PHKB: variants seen among roughly 807,000 people sequenced by gnomAD.
PHKB encodes phosphorylase kinase regulatory subunit beta.
A neutral mutation model predicts 152.1 loss-of-function variants in PHKB; 122 were observed. That is an observed-to-expected ratio of 0.80 (90% CI 0.69 to 0.93). The LOEUF (loss-of-function observed/expected upper bound fraction) is 0.93, where lower values mean the gene tolerates loss of function less well. Among genes scored for constraint, PHKB ranks in the 40% least tolerant of loss-of-function variants. PHKB has a pLI of 0.00. For synonymous variants in PHKB, 436 were observed against 464.9 expected (o/e 0.94, Z 0.80); for missense variants, 1,304 against 1,328.4 (o/e 0.98, Z 0.29).
At chr16:47,508,663 G>A in intron 4 of PHKB, among the ~76,000 whole-genome samples, 1 of 152,036 alleles carries the variant, frequency 6.6e-6, no homozygotes, top group East Asian at 1.9e-4. Flanking sequence ...AGCAAAATAC[G>A]AGTGGAAGAG....
chr16:47,660,467 G>A (rs757644385), intron 20 of PHKB, 39 bp from the exon 21 acceptor site: 3 of 1,524,720 alleles, frequency 2.0e-6, no homozygotes, highest in Non-Finnish European at 2.7e-6. Context: ...ATGGCTTGAT[G>A]TATCTAAGAG....
chr16:47,495,162 T>C (rs1970210864), intron 1 of PHKB, among the ~76,000 whole-genome samples: 1 of 152,014 alleles, frequency 6.6e-6, no homozygotes, highest in Admixed American at 6.6e-5. Context: ...TTCCTTTTGT[T>C]TATTTATTGT....
chr16:47,693,495 G>T lies in PHKB; in HGVS notation c.2883G>T (p.Lys961Asn). ...RTPNGIIVAGKHLPQQPTLSD... is the reference protein window; with the variant it reads ...RTPNGIIVAGNHLPQQPTLSD... ...CCAATGGGATCATTGTTGCTGGGAA[G>T]CATTTGCCTCAGGTAAAGCCCCACC... The change falls in exon 28 of 31, where the codon AAG becomes AAT. Residue 961 changes from lysine (K) to asparagine (N), a missense_variant. Physicochemically the swap from Lys to Asn is moderately conservative, Grantham distance 94 (BLOSUM62 0). Coordinates refer to ENST00000323584, the MANE Select transcript of PHKB (RefSeq NM_000293.3). 6.2e-7 allele frequency: 1 copy of T among 1,614,070 alleles called. No homozygotes were observed. The highest frequency in any genetic ancestry group is 8.5e-7 in the Non-Finnish European group (1 of 1,179,988).
chr16:47,645,716 G>T (rs929050178), intron 16 of PHKB, among the ~76,000 whole-genome samples: 1 of 151,824 alleles, frequency 6.6e-6, no homozygotes, highest in Non-Finnish European at 1.5e-5. Flanking sequence ...AAAAGTGGGC[G>T]AAGGACATGA....
At chr16:47,477,558 C>T (rs1446013156) in intron 1 of PHKB, among the ~76,000 whole-genome samples, 1 of 151,978 alleles carries the variant, frequency 6.6e-6, no homozygotes, top group Non-Finnish European at 1.5e-5. Flanking sequence ...TTCTACTGGT[C>T]AAGTCCGAAA....
chr16:47,495,086 A>G (rs1294218198), intron 1 of PHKB, among the ~76,000 whole-genome samples: 1 of 151,948 alleles, frequency 6.6e-6, no homozygotes, highest in Non-Finnish European at 1.5e-5. Context: ...CTTTTCTGCT[A>G]TGCTTTGAAC....
At chr16:47,587,876 G>GAT in intron 9 of PHKB, 113 bp downstream of exon 9, 1 of 843,318 alleles carries the variant, frequency 1.2e-6, no homozygotes, top group Non-Finnish European at 1.9e-6. Context: ...GTCCAGAAGG[G>GAT]ATAAGAGGAC....
intron 14 of PHKB, among the ~76,000 whole-genome samples, chr16:47,616,501 T>TATA (rs1972517548): frequency 6.9e-6 from 1 of 145,794 alleles, no homozygotes; most frequent in Non-Finnish European, 1.5e-5. Flanking sequence ...TTTTATATAT[T>TATA]TATATGTAAA....
Position 47,586,969 on chromosome 16 carries a change from A to AT in PHKB, c.775-699_775-698insT, listed in dbSNP as rs1452083746. 3.9e-5 allele frequency among the ~76,000 whole-genome samples: 6 copies of AT among 152,068 alleles called. No homozygotes were observed. The East Asian group carries it at 9.6e-4, about 24-fold the overall frequency. On this transcript the variant is annotated intron_variant, in intron 8 of 30. Coordinates refer to ENST00000323584, the MANE Select transcript of PHKB (RefSeq NM_000293.3). ...ACGTATATGGGGGAATTGTATAAAAAATATATATATGGGGGAATTGTATAA... is the reference window on the plus strand; with the variant it reads ...ACGTATATGGGGGAATTGTATAAAAATATATATATATGGGGGAATTGTATAA...
chr16:47,688,681 C>CTTTTTTT, intron 26 of PHKB, among the ~76,000 whole-genome samples: 1 of 124,668 alleles, frequency 8.0e-6, no homozygotes, highest in Non-Finnish European at 1.7e-5. Context: ...GCTCTCTTTC[C>CTTTTTTT]TTTTTTTTTT....
chr16:47,664,669 C>G (rs1167208994), intron 24 of PHKB: 1 of 563,792 alleles, frequency 1.8e-6, no homozygotes, highest in African/African-American at 1.9e-5. Context: ...AGTGATAGTT[C>G]TGGTAAACTT....
At chr16:47,570,214 C>A (rs952819577) in intron 7 of PHKB, among the ~76,000 whole-genome samples, 1 of 152,200 alleles carries the variant, frequency 6.6e-6, no homozygotes, top group Admixed American at 6.5e-5. Flanking sequence ...CCTTAGAATT[C>A]TTGCCTTTGC....
In PHKB at chr16:47,622,011, G is replaced by A. The variant is rs550407341; in HGVS notation, c.1458+11091G>A. ...AATTAAAAGTTTCAATAATAGGCAT[G>A]ATGTATAATGAAATATTTCATCTAC... is the stretch of plus-strand genomic sequence containing the variant. On this transcript the variant is annotated intron_variant, in intron 14 of 30. Transcript: ENST00000323584. Among the ~76,000 whole-genome samples, 289 of 152,198 alleles carry A rather than the reference G, an allele frequency of 1.9e-3. 1 individual carries two copies. Among genetic ancestry groups the A allele is most frequent in the South Asian group, 3.9e-3 (19 of 4,816 alleles).
intron 1 of PHKB, among the ~76,000 whole-genome samples, chr16:47,496,128 G>A (rs1055868431): frequency 2.6e-5 from 4 of 151,946 alleles, no homozygotes; most frequent in African/African-American, 9.7e-5. Flanking sequence ...CTGTGCCAAT[G>A]TGATTTCTGC....
At chr16:47,575,179 C>T (rs1367029954) in intron 7 of PHKB, among the ~76,000 whole-genome samples, 2 of 152,156 alleles carry the variant, frequency 1.3e-5, no homozygotes, top group African/African-American at 2.4e-5. Context: ...GTCAGAATAG[C>T]TGTTATTAAA....
At chr16:47,565,795 T>C in intron 7 of PHKB, 2 of 1,484,732 alleles carry the variant, frequency 1.3e-6, no homozygotes, top group South Asian at 1.1e-5. Context: ...TCTCTTTCTC[T>C]AGCAGCTGTG....
chr16:47,596,265 C>T (rs1972116908), intron 12 of PHKB, 108 bp from the exon 13 acceptor site: 5 of 793,422 alleles, frequency 6.3e-6, no homozygotes, highest in Non-Finnish European at 1.0e-5. Context: ...GCCATTAAAA[C>T]TCCTTCCTTT....
At chr16:47,621,994 GT>G (rs1172959083) in intron 14 of PHKB, among the ~76,000 whole-genome samples, 1 of 152,034 alleles carries the variant, frequency 6.6e-6, no homozygotes, top group Non-Finnish European at 1.5e-5. Context: ...AAAATTAAAA[GT>G]TTCAATAATA....
At chr16:47,687,357 A>G (rs905957265) in intron 26 of PHKB, among the ~76,000 whole-genome samples, 1 of 152,202 alleles carries the variant, frequency 6.6e-6, no homozygotes, top group African/African-American at 2.4e-5. Flanking sequence ...CAAAAGAACT[A>G]TGTTCTTGTT....
Sources: gnomAD v4.1 joint callset for allele counts (sites outside exome capture counted in the v4.1 genomes callset) on GRCh38, gnomAD v4.1.1 for gene constraint, MANE v1.5 for transcripts, NCBI Gene and HGNC (gene_info 2026-07-23, HGNC 2026-07-21) for gene names.